Variants in ASCC1 observed in about 807,000 individuals in gnomAD.
ASCC1 encodes ASC-1 complex subunit P50.
ASCC1 carries 35 observed loss-of-function variants against 46.6 expected under a neutral mutation model. The observed-to-expected ratio is 0.75, with a 90% CI of 0.57 to 0.99. The LOEUF is 0.99. Ranked by LOEUF, ASCC1 falls within the 50% of genes least tolerant of loss-of-function variation. The pLI, the probability that ASCC1 is intolerant of heterozygous loss-of-function variation, is 0.00. For synonymous variants in ASCC1, 143 were observed against 146.6 expected (o/e 0.98, Z 0.18); for missense variants, 376 against 428.7 (o/e 0.88, Z 1.09).
chr10:72,211,857 A>G (rs544144955), intron 2 of ASCC1, among the ~76,000 whole-genome samples: 8 of 152,030 alleles, frequency 5.3e-5, no homozygotes, highest in Admixed American at 1.3e-4. Flanking sequence ...AGTCAGTAAA[A>G]TAACAATACA....
At chr10:72,205,287 T>C (rs1211750815) in intron 3 of ASCC1, among the ~76,000 whole-genome samples, 5 of 152,120 alleles carry the variant, frequency 3.3e-5, no homozygotes, top group Admixed American at 6.5e-5. Flanking sequence ...CTGGCCAACA[T>C]GGCGAAACCC....
At chr10:72,105,594 G>A (rs1421947943) in intron 9 of ASCC1, among the ~76,000 whole-genome samples, 1 of 152,136 alleles carries the variant, frequency 6.6e-6, no homozygotes, top group Non-Finnish European at 1.5e-5. Context: ...CAAAATCAAG[G>A]TTTTCCCTGA....
At chr10:72,153,129 A>G in intron 6 of ASCC1, 141 bp from the exon 7 acceptor site, 1 of 1,073,240 alleles carries the variant, frequency 9.3e-7, no homozygotes, top group Non-Finnish European at 1.3e-6. Context: ...GTTTTTTCCT[A>G]ACATTATCTA....
intron 8 of ASCC1, among the ~76,000 whole-genome samples, chr10:72,131,255 C>G (rs2132273852): frequency 6.6e-6 from 1 of 152,134 alleles, no homozygotes; most frequent in South Asian, 2.1e-4. Context: ...CCTGTCTCTA[C>G]TAAAAATACG....
chr10:72,124,292 A>G (rs957054261), intron 9 of ASCC1, among the ~76,000 whole-genome samples: 2 of 152,214 alleles, frequency 1.3e-5, no homozygotes, highest in African/African-American at 4.8e-5. Flanking sequence ...TACATGGCTT[A>G]TATTTTCCAG....
intron 5 of ASCC1, among the ~76,000 whole-genome samples, chr10:72,167,662 AAG>A (rs1850535747): frequency 6.7e-6 from 1 of 149,792 alleles, no homozygotes; most frequent in Admixed American, 6.6e-5. Flanking sequence ...TTTTTAAGAC[AAG>A]GTCTCCTCTG....
intron 6 of ASCC1, among the ~76,000 whole-genome samples, chr10:72,158,424 C>T (rs1438705962): frequency 1.3e-5 from 2 of 152,164 alleles, no homozygotes; most frequent in Admixed American, 6.5e-5. Flanking sequence ...TGTCAGACTC[C>T]GTACTCAGAG....
At chr10:72,100,046 T>G (rs1841562133) in intron 9 of ASCC1, among the ~76,000 whole-genome samples, 1 of 152,200 alleles carries the variant, frequency 6.6e-6, no homozygotes, top group African/African-American at 2.4e-5. Context: ...TAAGTCGCCA[T>G]GTTCTTTCAT....
At position 72,189,946 on chromosome 10, in the gene ASCC1, T is replaced by G; in HGVS notation, c.489+6865A>C. ...CAGCCATCAGGTAAGCCAAGACAAG[T>G]GCACACAAGTATATCCAGGAGCTAC... is the stretch of plus-strand genomic sequence containing the variant. On this transcript the variant is annotated intron_variant, in intron 5 of 9. Transcript: ENST00000672957. 6 of 739,566 alleles carry G rather than the reference T, an allele frequency of 8.1e-6. No homozygotes were observed. In the South Asian group the frequency reaches 8.4e-5, roughly 10 times the overall value. The allele number at this position is 739,566 out of a possible 1,614,324, so 45.8% of individuals were successfully genotyped here. A position where few individuals can be genotyped will look rare whatever the true frequency, so the allele number is the denominator to read the frequency against.
At chr10:72,214,889 C>G (rs1249173796) in intron 1 of ASCC1, among the ~76,000 whole-genome samples, 1 of 152,208 alleles carries the variant, frequency 6.6e-6, no homozygotes, top group Non-Finnish European at 1.5e-5. Context: ...AATCCAATTT[C>G]CACAGGCCAC....
chr10:72,216,748 C>T (rs1859419035), upstream of ASCC1: 1 of 449,596 alleles, frequency 2.2e-6, no homozygotes, highest in Non-Finnish European at 4.5e-6. Flanking sequence ...CATCTTAGCT[C>T]GGACACAGCA....
chr10:72,129,906 G>A (rs563849559), intron 8 of ASCC1, among the ~76,000 whole-genome samples: 6 of 149,782 alleles, frequency 4.0e-5, no homozygotes, highest in South Asian at 4.2e-4. Context: ...ATTTGAGTGC[G>A]GGAGGTGGAG....
intron 5 of ASCC1, among the ~76,000 whole-genome samples, chr10:72,168,519 A>C (rs1589436226): frequency 6.6e-6 from 1 of 152,228 alleles, no homozygotes; most frequent in East Asian, 1.9e-4. Context: ...ATTTGGCAAT[A>C]TCTAACAAAA....
chr10:72,189,265 G>T (rs11819693), intron 5 of ASCC1, among the ~76,000 whole-genome samples: 2 of 151,110 alleles, frequency 1.3e-5, no homozygotes, highest in Non-Finnish European at 3.0e-5. Flanking sequence ...AAAATTAGCC[G>T]GGCGGGGTGG....
chr10:72,161,844 T>C (rs1481857339), intron 5 of ASCC1, among the ~76,000 whole-genome samples, 170 bp from the exon 6 acceptor site: 1 of 152,096 alleles, frequency 6.6e-6, no homozygotes, highest in Non-Finnish European at 1.5e-5. Context: ...GCTAGAACAA[T>C]AGAATACCCA....
intron 5 of ASCC1, chr10:72,189,935 G>A: frequency 1.4e-6 from 1 of 726,646 alleles, no homozygotes; most frequent in Non-Finnish European, 2.5e-6. Flanking sequence ...CATCAGGTAA[G>A]CCAAGACAAG....
Position 72,200,174 on chromosome 10 carries a change from T to C in ASCC1, c.311-3185A>G, listed in dbSNP as rs183697550. Among the ~76,000 whole-genome samples the C allele has an allele frequency of 5.5e-3, 841 of 152,272 alleles. 6 individuals carry two copies. Among genetic ancestry groups the C allele is most frequent in the African/African-American group, 0.019 (780 of 41,538 alleles). ...GGGTCTCCACATTTACACCACGTTATAATTTTACTGCAATAAAAAATATTA... is the reference window on the plus strand; with the variant it reads ...GGGTCTCCACATTTACACCACGTTACAATTTTACTGCAATAAAAAATATTA... On this transcript the variant is annotated intron_variant, in intron 4 of 9. Coordinates refer to ENST00000672957, the MANE Select transcript of ASCC1 (RefSeq NM_001198800.3).
intron 5 of ASCC1, among the ~76,000 whole-genome samples, chr10:72,168,899 T>G (rs1425979780): frequency 1.3e-5 from 2 of 152,130 alleles, no homozygotes; most frequent in African/African-American, 2.4e-5. Context: ...GAAAACAAAT[T>G]TCTATTGTTT....
chr10:72,098,094 A>G (rs192740289), intron 9 of ASCC1, among the ~76,000 whole-genome samples: 6 of 152,338 alleles, frequency 3.9e-5, no homozygotes, highest in Non-Finnish European at 7.3e-5. Flanking sequence ...GCGACCTAAA[A>G]TAAATACTTT....
Sources: gnomAD v4.1 joint callset for allele counts (sites outside exome capture counted in the v4.1 genomes callset) on GRCh38, gnomAD v4.1.1 for gene constraint, MANE v1.5 for transcripts, NCBI Gene and HGNC (gene_info 2026-07-23, HGNC 2026-07-21) for gene names.